Variants in CBFA2T3 observed in about 807,000 individuals in gnomAD.
The protein encoded by CBFA2T3 is transcriptional corepressor CBFA2T3.
Under a neutral mutation model 58.6 loss-of-function variants are expected in CBFA2T3, and 31 were observed. The ratio of observed to expected loss-of-function variants is 0.53; its 90% CI spans 0.40 to 0.71. CBFA2T3 has a LOEUF of 0.71. CBFA2T3 is among the 30% of genes least tolerant of loss of function. The probability of loss-of-function intolerance (pLI) is 0.00; values close to 1 mark genes in which losing one functional copy is unlikely to be tolerated. For synonymous variants in CBFA2T3, 531 were observed against 421.9 expected (o/e 1.26, Z -3.17); for missense variants, 1,076 against 963.1 (o/e 1.12, Z -1.55).
chr16:88,923,693 C>T (rs1406338071), intron 1 of CBFA2T3, among the ~76,000 whole-genome samples: 1 of 152,236 alleles, frequency 6.6e-6, no homozygotes, highest in Non-Finnish European at 1.5e-5. Flanking sequence ...ACCCGGCTCA[C>T]ACATGTCGCT....
intron 1 of CBFA2T3, among the ~76,000 whole-genome samples, chr16:88,935,919 C>T (rs962464858): frequency 6.6e-6 from 1 of 152,144 alleles, no homozygotes; most frequent in South Asian, 2.1e-4. Flanking sequence ...GTGTAGGTCA[C>T]GCAGCTGCTG....
intron 1 of CBFA2T3, among the ~76,000 whole-genome samples, chr16:88,928,349 G>A (rs1337498081): frequency 3.3e-5 from 5 of 152,172 alleles, no homozygotes; most frequent in Non-Finnish European, 7.3e-5. Flanking sequence ...CAGGTGGAGC[G>A]GGCCCGGTCT....
intron 1 of CBFA2T3, among the ~76,000 whole-genome samples, chr16:88,918,079 A>G (rs1970796401): frequency 6.6e-6 from 1 of 152,098 alleles, no homozygotes; most frequent in Non-Finnish European, 1.5e-5. Context: ...TGGCATGGCC[A>G]GGCTGTGCAG....
chr16:88,943,273 G>T (rs1038951463), intron 1 of CBFA2T3, among the ~76,000 whole-genome samples: 10 of 152,204 alleles, frequency 6.6e-5, no homozygotes, highest in Non-Finnish European at 1.0e-4. Flanking sequence ...AAGCTGGCCT[G>T]GACCTGGGCC....
chr16:88,956,698 T>C (rs764801419), intron 1 of CBFA2T3, among the ~76,000 whole-genome samples: 10 of 152,208 alleles, frequency 6.6e-5, no homozygotes, highest in Admixed American at 1.3e-4. Flanking sequence ...TGGTGGACCC[T>C]GCTGGCGGAG....
chr16:88,922,661 C>G (rs746666108), intron 1 of CBFA2T3, among the ~76,000 whole-genome samples: 6 of 152,230 alleles, frequency 3.9e-5, no homozygotes, highest in Non-Finnish European at 8.8e-5. Context: ...AGCCAACCCA[C>G]GCCTGTTCCT....
chr16:88,938,293 G>C (rs1192418435), intron 1 of CBFA2T3: 2 of 152,688 alleles, frequency 1.3e-5, no homozygotes, highest in Admixed American at 1.3e-4. Flanking sequence ...AATGTGGCCC[G>C]GCAGGCTGGG....
intron 1 of CBFA2T3, among the ~76,000 whole-genome samples, chr16:88,919,311 T>C (rs1970837025): frequency 6.6e-6 from 1 of 152,218 alleles, no homozygotes. Context: ...CGTCAGGTTA[T>C]AAATGACCCT....
chr16:88,915,931 CGTGT>C (rs897221988), intron 1 of CBFA2T3, among the ~76,000 whole-genome samples: 1 of 151,958 alleles, frequency 6.6e-6, no homozygotes, highest in African/African-American at 2.4e-5. Context: ...GGCATGTGTG[CGTGT>C]GAGTGTGCAT....
chr16:88,967,104 C>A (rs1972525399), intron 1 of CBFA2T3, among the ~76,000 whole-genome samples: 1 of 122,414 alleles, frequency 8.2e-6, no homozygotes, highest in African/African-American at 2.7e-5. Context: ...GTGTGTGCCA[C>A]CCCCAACCCC....
At position 88,885,985 on chromosome 16, in the gene CBFA2T3, T is replaced by G. The variant is rs576137946; in HGVS notation, c.869A>C (p.Asn290Thr). The change falls in exon 6 of 12, where the codon AAC (asparagine) becomes ACC (threonine). Residue 290 changes from asparagine (N) to threonine (T), a missense_variant. By Grantham distance (65) the Asn-to-Thr change is moderately conservative. Coordinates refer to ENST00000268679, the MANE Select transcript of CBFA2T3 (RefSeq NM_005187.6). The surrounding 1 kb of genome is among the most constrained non-coding windows in gnomAD (Gnocchi z 5.3). Reference sequence around the variant, plus strand: ...CCTGTCGGGCGTCCTCCTCTTGCCGTTCTCGTTGACTTCCAGTAGCAGCTC... The same window carrying G: ...CCTGTCGGGCGTCCTCCTCTTGCCGGTCTCGTTGACTTCCAGTAGCAGCTC... Reference protein sequence around the residue: ...SSELLLEVNENGKRRTPDRTK... With the variant: ...SSELLLEVNETGKRRTPDRTK... The G allele has an allele frequency of 6.4e-7, 1 of 1,552,270 alleles. No homozygotes were observed. Among genetic ancestry groups the G allele is most frequent in the Admixed American group, 2.0e-5 (1 of 51,168 alleles).
Position 88,877,199 on chromosome 16 carries a change from CAGAAGGA to C in CBFA2T3, c.1732_1738del (p.Ser578AlafsTer169). 2 of 1,555,738 alleles carry C rather than the reference CAGAAGGA, an allele frequency of 1.3e-6. No individual in the cohort carries two copies. The highest frequency in any genetic ancestry group is 1.7e-6 in the Non-Finnish European group (2 of 1,150,170). ...ATGCTTCTCCCAGTCCCGATGCTGG[CAGAAGGA>C]CCCGCAGTAGCGTGCCGCGTTGCAG... On this transcript the variant is annotated frameshift_variant, in exon 12 of 12. Transcript: ENST00000268679. LOFTEE classifies it low-confidence loss of function (END_TRUNC).
At chr16:88,901,480 G>T in intron 2 of CBFA2T3, 24 bp downstream of exon 2, 3 of 1,379,594 alleles carry the variant, frequency 2.2e-6, no homozygotes, top group Non-Finnish European at 9.6e-7. Flanking sequence ...CCTGGCCCTC[G>T]GCTGCCAGGT....
At chr16:88,952,701 G>A (rs186134662) in intron 1 of CBFA2T3, among the ~76,000 whole-genome samples, 2 of 152,244 alleles carry the variant, frequency 1.3e-5, no homozygotes, top group South Asian at 2.1e-4. Context: ...GGCCATTCCT[G>A]CTGGGAGGCA....
chr16:88,970,756 G>C (rs55695804), intron 1 of CBFA2T3, among the ~76,000 whole-genome samples: 2,940 of 152,334 alleles, frequency 0.019, 100 homozygotes, highest in African/African-American at 0.068. Flanking sequence ...GCCTTCCAGG[G>C]CTCAGCACCC....
intron 2 of CBFA2T3, among the ~76,000 whole-genome samples, chr16:88,899,200 G>A (rs1970007429): frequency 6.6e-6 from 1 of 152,100 alleles, no homozygotes; most frequent in Non-Finnish European, 1.5e-5. Flanking sequence ...TTGGCTCAGA[G>A]GCCAGTCCCC....
At chr16:88,897,648 G>A (rs1434779938) in intron 3 of CBFA2T3, among the ~76,000 whole-genome samples, 1 of 152,220 alleles carries the variant, frequency 6.6e-6, no homozygotes, top group African/African-American at 2.4e-5. Context: ...AGGCACGGGG[G>A]GTGGTACCTG....
At position 88,885,064 on chromosome 16, in the gene CBFA2T3, C is replaced by G; in HGVS notation, c.1099G>C (p.Glu367Gln). ...YRHPDPRELR[E>Q]RHRPLVVPGS... ...TGCTCACCAAGCGGCCGATGGCGCT[C>G]TCGTAGCTCCCGGGGGTCTGGGTGG... Residue 367 changes from glutamate (E) to glutamine (Q), a missense_variant, in exon 7 of 12, where the codon GAG (glutamate) becomes CAG (glutamine). Transcript: ENST00000268679. The surrounding 1 kb of genome is among the most constrained non-coding windows in gnomAD (Gnocchi z 5.3). The G allele has an allele frequency of 6.2e-7, 1 of 1,600,266 alleles. No homozygotes were observed. Among genetic ancestry groups the G allele is most frequent in the Non-Finnish European group, 8.5e-7 (1 of 1,177,298 alleles).
chr16:88,892,135 C>A (rs1003715246), intron 4 of CBFA2T3, 109 bp downstream of exon 4: 3 of 1,450,194 alleles, frequency 2.1e-6, no homozygotes, highest in Non-Finnish European at 2.8e-6. Context: ...AGCGGGTCCA[C>A]GCCCGGTTGT....
Sources: gnomAD v4.1 joint callset for allele counts (sites outside exome capture counted in the v4.1 genomes callset) on GRCh38, gnomAD v4.1.1 for gene constraint, Gnocchi (gnomAD v3.1) non-coding constraint, MANE v1.5 for transcripts, NCBI Gene and HGNC (gene_info 2026-07-23, HGNC 2026-07-21) for gene names.